BABAM2: variants seen among roughly 807,000 people sequenced by gnomAD.
BABAM2 encodes BRISC and BRCA1 A complex member 2.
A neutral mutation model predicts 54.7 loss-of-function variants in BABAM2; 31 were observed. That is an observed-to-expected ratio of 0.57 (90% CI 0.43 to 0.77). The LOEUF is 0.77. Among genes scored for constraint, BABAM2 ranks in the 30% least tolerant of loss-of-function variants. The pLI, the probability that BABAM2 is intolerant of heterozygous loss-of-function variation, is 0.00. For synonymous variants in BABAM2, 167 were observed against 162.9 expected, an observed-to-expected ratio of 1.03 and a Z score of -0.19; for missense variants, 364 against 455.8, an observed-to-expected ratio of 0.80 and a Z score of 1.83.
intron 4 of BABAM2, among the ~76,000 whole-genome samples, chr2:28,004,444 A>G (rs1673806775): frequency 6.6e-6 from 1 of 152,212 alleles, no homozygotes; most frequent in Non-Finnish European, 1.5e-5. Flanking sequence ...AACACATTGA[A>G]TACAGTTTCT....
At chr2:28,139,716 G>A (rs1205335248) in intron 7 of BABAM2, among the ~76,000 whole-genome samples, 1 of 152,174 alleles carries the variant, frequency 6.6e-6, no homozygotes, top group Non-Finnish European at 1.5e-5. Context: ...TACAAGGATT[G>A]ACTGGGATTG....
intron 6 of BABAM2, among the ~76,000 whole-genome samples, chr2:28,123,871 A>T (rs1573627945): frequency 6.6e-6 from 1 of 152,344 alleles, no homozygotes; most frequent in East Asian, 1.9e-4. Flanking sequence ...CAGATGATAA[A>T]TGTTGATTAT....
intron 10 of BABAM2, among the ~76,000 whole-genome samples, chr2:28,266,114 A>G (rs1192503446): frequency 1.3e-5 from 2 of 151,964 alleles, no homozygotes; most frequent in Non-Finnish European, 2.9e-5. Context: ...CCTCCCAAGT[A>G]ACTGGGATTA....
At chr2:28,334,832 G>C (rs2148342022) in intron 11 of BABAM2, among the ~76,000 whole-genome samples, 1 of 152,304 alleles carries the variant, frequency 6.6e-6, no homozygotes, top group East Asian at 1.9e-4. Flanking sequence ...TAAGGGAACA[G>C]AGCCCAGGGC....
chr2:28,244,267 A>G (rs1388849922), intron 9 of BABAM2, among the ~76,000 whole-genome samples: 1 of 152,148 alleles, frequency 6.6e-6, no homozygotes, highest in African/African-American at 2.4e-5. Context: ...GTAATATATA[A>G]TACTAAATTT....
intron 5 of BABAM2, among the ~76,000 whole-genome samples, chr2:28,026,886 A>AAATATATATAAATATATATT (rs1558667477): frequency 1.9e-5 from 1 of 52,584 alleles, no homozygotes; most frequent in African/African-American, 9.5e-5. Context: ...ATATATATAT[A>AAATATATATAAATATATATT]GATATATATA....
chr2:28,260,299 C>CTTTT (rs965855673), intron 10 of BABAM2, among the ~76,000 whole-genome samples: 83 of 120,424 alleles, frequency 6.9e-4, no homozygotes, highest in East Asian at 9.5e-4. Flanking sequence ...TATTTCTTTT[C>CTTTT]TTTTTTTTTT....
chr2:28,116,983 A>T (rs1405265910), intron 6 of BABAM2, among the ~76,000 whole-genome samples: 1 of 152,208 alleles, frequency 6.6e-6, no homozygotes, highest in Non-Finnish European at 1.5e-5. Flanking sequence ...GCATACTCCT[A>T]TGGATTTTCT....
At chr2:28,241,734 C>T (rs1682453743) in intron 9 of BABAM2, among the ~76,000 whole-genome samples, 3 of 152,028 alleles carry the variant, frequency 2.0e-5, no homozygotes, top group Non-Finnish European at 4.4e-5. Context: ...ACCTTGTGAT[C>T]CGCCCACCTT....
At chr2:27,979,785 T>C (rs1233745961) in intron 3 of BABAM2, among the ~76,000 whole-genome samples, 3 of 152,224 alleles carry the variant, frequency 2.0e-5, no homozygotes, top group Admixed American at 2.0e-4. Flanking sequence ...TTGAAACTGA[T>C]AGACAAAATA....
At chr2:28,123,724 A>G (rs2148755743) in intron 6 of BABAM2, among the ~76,000 whole-genome samples, 1 of 152,340 alleles carries the variant, frequency 6.6e-6, no homozygotes, top group African/African-American at 2.4e-5. Context: ...TCAAACTTAG[A>G]TATCCATTAG....
intron 7 of BABAM2, among the ~76,000 whole-genome samples, chr2:28,218,268 G>A (rs1680090440): frequency 6.6e-6 from 1 of 152,176 alleles, no homozygotes; most frequent in Non-Finnish European, 1.5e-5. Context: ...ATCAGGCAGT[G>A]TATCATTGAC....
chr2:27,920,979 G>A (rs1667303917), intron 2 of BABAM2, among the ~76,000 whole-genome samples: 2 of 152,006 alleles, frequency 1.3e-5, no homozygotes. Flanking sequence ...TTAGTTCTTG[G>A]CTGTCACTAA....
intron 10 of BABAM2, among the ~76,000 whole-genome samples, chr2:28,249,989 A>G (rs1275353874): frequency 1.3e-5 from 2 of 152,218 alleles, no homozygotes; most frequent in African/African-American, 2.4e-5. Context: ...ACATAAACTT[A>G]ACAAATATAT....
At chr2:28,119,820 G>T (rs1337965389) in intron 6 of BABAM2, among the ~76,000 whole-genome samples, 4 of 152,168 alleles carry the variant, frequency 2.6e-5, no homozygotes, top group African/African-American at 9.7e-5. Context: ...GGTGGCAGCA[G>T]CTCTGTCCTG....
At chr2:28,263,325 C>T (rs532848795) in intron 10 of BABAM2, among the ~76,000 whole-genome samples, 35 of 152,224 alleles carry the variant, frequency 2.3e-4, no homozygotes, top group African/African-American at 8.2e-4. Flanking sequence ...GGTTGGGCTA[C>T]TTATTATCCC....
chr2:27,999,883 CTTG>C (rs1263383210), intron 4 of BABAM2, among the ~76,000 whole-genome samples: 1 of 152,144 alleles, frequency 6.6e-6, no homozygotes, highest in Non-Finnish European at 1.5e-5. Context: ...ATATTCTTCA[CTTG>C]TTTCAAAGGC....
intron 10 of BABAM2, among the ~76,000 whole-genome samples, chr2:28,261,328 A>AT (rs70956010): frequency 1.6e-3 from 213 of 136,734 alleles, no homozygotes; most frequent in African/African-American, 2.8e-3. Context: ...ATTACTTAGA[A>AT]TTTTTTTTTT....
chr2:28,130,825 C>T (rs1256725065), intron 7 of BABAM2, among the ~76,000 whole-genome samples: 1 of 151,976 alleles, frequency 6.6e-6, no homozygotes, highest in Non-Finnish European at 1.5e-5. Context: ...CTGCAACCTC[C>T]ACCTTCTGGG....
Sources: allele counts gnomAD v4.1 joint callset (sites outside exome capture counted in the v4.1 genomes callset), GRCh38; gene constraint gnomAD v4.1.1; transcripts MANE v1.5; gene names NCBI Gene and HGNC (gene_info 2026-07-23, HGNC 2026-07-21).